Variants in ISLR2 observed in about 807,000 individuals in gnomAD.
ISLR2 encodes immunoglobulin superfamily containing leucine-rich repeat protein 2.
A neutral mutation model predicts 25.5 loss-of-function variants in ISLR2; 16 were observed. That is an observed-to-expected ratio of 0.63 (90% confidence interval 0.43 to 0.95). ISLR2 has a LOEUF of 0.95. ISLR2 is among the 40% of genes least tolerant of loss of function. The pLI is 0.00. For synonymous variants in ISLR2, 508 were observed against 486.6 expected (o/e 1.04, Z -0.58); for missense variants, 883 against 1,030.7 (o/e 0.86, Z 1.96).
chr15:74,132,276 G>C lies in ISLR2; in HGVS notation c.-8-471G>C, dbSNP rs2072438432. On this transcript the variant is annotated intron_variant, in intron 2 of 2. Transcript: ENST00000453268. The surrounding 1 kb of genome is among the most constrained non-coding windows in gnomAD (Gnocchi z 4.3). ...TGATTATGAAGCCCCGCGTCTGTTT[G>C]TATTGTTGTGTGCCTGCATGGGCGT... 6.6e-6 allele frequency among the ~76,000 whole-genome samples: 1 copy of C among 152,238 alleles called. No individual in the cohort carries two copies.
intron 2 of ISLR2, among the ~76,000 whole-genome samples, chr15:74,104,653 C>T (rs1365451530): frequency 2.0e-5 from 3 of 151,424 alleles, no homozygotes; most frequent in East Asian, 1.9e-4. Context: ...TGTGGTGCTG[C>T]GCTCTGATAG....
upstream of ISLR2, among the ~76,000 whole-genome samples, chr15:74,124,461 T>A (rs2072276359): frequency 6.6e-6 from 1 of 152,136 alleles, no homozygotes; most frequent in Non-Finnish European, 1.5e-5. Context: ...ACTAGTCTGT[T>A]AACATTACGT....
intron 1 of ISLR2, among the ~76,000 whole-genome samples, chr15:74,102,132 C>T (rs1408797669): frequency 7.4e-6 from 1 of 135,200 alleles, no homozygotes; most frequent in African/African-American, 2.8e-5. Flanking sequence ...TCACAAGAAT[C>T]GCTTGAACCC....
At chr15:74,140,554 G>T (rs1291440715), downstream of ISLR2, among the ~76,000 whole-genome samples, 1 of 152,200 alleles carries the variant, frequency 6.6e-6, no homozygotes, top group Non-Finnish European at 1.5e-5. Context: ...ACAGAGCAAG[G>T]GAAACTGGGG....
At position 74,132,456 on chromosome 15, in the gene ISLR2, C is replaced by T. The variant is rs1002742691; in HGVS notation, c.-8-291C>T. Among the ~76,000 whole-genome samples, 3 of 152,088 alleles carry T rather than the reference C, an allele frequency of 2.0e-5. No individual in the cohort carries two copies. The highest frequency in any genetic ancestry group is 4.8e-5 in the African/African-American group (2 of 41,422). On this transcript the variant is annotated intron_variant, in intron 2 of 2. Transcript: ENST00000453268. The surrounding 1 kb of genome is among the most constrained non-coding windows in gnomAD (Gnocchi z 4.3). ...GAGGAGCCCGCTGGAGATGGGCGAG[C>T]TGCGGAGCCCACGGAGGGGCCAGCT...
At chr15:74,128,147 C>T (rs2072324460), upstream of ISLR2, 2 of 298,690 alleles carry the variant, frequency 6.7e-6, no homozygotes, top group South Asian at 5.6e-5. Flanking sequence ...TTCTGCGCGC[C>T]GGACGGCGCC....
chr15:74,106,580 C>A (rs1331231844), intron 2 of ISLR2, among the ~76,000 whole-genome samples: 1 of 152,094 alleles, frequency 6.6e-6, no homozygotes, highest in African/African-American at 2.4e-5. Flanking sequence ...GGGTCTCCAC[C>A]CATGCTAGGC....
chr15:74,116,209 G>T (rs1484002677), intron 2 of ISLR2, among the ~76,000 whole-genome samples: 1 of 151,866 alleles, frequency 6.6e-6, no homozygotes, highest in Non-Finnish European at 1.5e-5. Context: ...ATAAAACAAA[G>T]AAGAATTACT....
chr15:74,112,588 T>G (rs1595937511), intron 2 of ISLR2, among the ~76,000 whole-genome samples: 1 of 150,988 alleles, frequency 6.6e-6, no homozygotes, highest in South Asian at 2.1e-4. Flanking sequence ...CATGCAATGG[T>G]GCCATCTCAG....
At chr15:74,121,521 G>A (rs777928183) in intron 2 of ISLR2, among the ~76,000 whole-genome samples, 5 of 152,132 alleles carry the variant, frequency 3.3e-5, no homozygotes, top group Non-Finnish European at 5.9e-5. Flanking sequence ...CAGGCTTGAG[G>A]AGTGAGAATG....
chr15:74,102,488 T>C (rs2072087812), intron 1 of ISLR2, among the ~76,000 whole-genome samples: 1 of 146,760 alleles, frequency 6.8e-6, no homozygotes, highest in African/African-American at 2.6e-5. Flanking sequence ...TGTTTTACTA[T>C]TAAAGATTGA....
upstream of ISLR2, chr15:74,126,201 G>T (rs1348398383): frequency 6.6e-6 from 1 of 152,010 alleles, no homozygotes; most frequent in African/African-American, 2.4e-5. Context: ...TATCAAACTT[G>T]TGTCCCACTC....
intron 2 of ISLR2, among the ~76,000 whole-genome samples, chr15:74,122,945 T>C (rs2072264392): frequency 6.6e-6 from 1 of 152,100 alleles, no homozygotes; most frequent in Non-Finnish European, 1.5e-5. Flanking sequence ...GTGTTTATTG[T>C]GGCCTTTCTG....
chr15:74,139,334 C>T (rs979959677), downstream of ISLR2, among the ~76,000 whole-genome samples: 3 of 152,226 alleles, frequency 2.0e-5, no homozygotes, highest in African/African-American at 7.2e-5. Context: ...ACAGAATGGT[C>T]CCCAGCCTCT....
upstream of ISLR2, among the ~76,000 whole-genome samples, chr15:74,123,800 T>C (rs1447159837): frequency 1.3e-5 from 2 of 152,104 alleles, no homozygotes; most frequent in Non-Finnish European, 2.9e-5. Flanking sequence ...CAAAATAGCT[T>C]TGGATCCCAG....
rs571972421 is a variant in ISLR2 at position 74,106,658 on chromosome 15, T to G, written n.228+2744T>G. 5.9e-5 allele frequency among the ~76,000 whole-genome samples: 9 copies of G among 152,182 alleles called. No individual in the cohort carries two copies. The South Asian group carries it at 1.9e-3, about 32-fold the overall frequency. ...CCACACAAGAGCCCCATGGTGACCA[T>G]GAATGGGGTTCTGAGAGGTTAAATG... On this transcript the variant is annotated intron_variant and non_coding_transcript_variant, in intron 2 of 3. Transcript: ENST00000561975.
downstream of ISLR2, among the ~76,000 whole-genome samples, chr15:74,137,996 C>T (rs1375334656): frequency 6.6e-6 from 1 of 151,736 alleles, no homozygotes; most frequent in Non-Finnish European, 1.5e-5. Context: ...TCTGCTAGTT[C>T]CATAAAAACA....
intron 2 of ISLR2, among the ~76,000 whole-genome samples, chr15:74,122,556 C>T (rs1281619290): frequency 1.3e-5 from 2 of 152,354 alleles, no homozygotes; most frequent in Admixed American, 6.5e-5. Context: ...CTTTGCTTAG[C>T]TTCTTCCTCT....
rs370327397 is a variant in ISLR2 at position 74,132,963 on chromosome 15, C to G, written c.209C>G (p.Ala70Gly). ...AAGATCACTGTGCTGCGGCGCGGGG[C>G]CTTCGCCGACGTCACACAGGTCACG... is the stretch of plus-strand genomic sequence containing the variant. ...ANKITVLRRG[A>G]FADVTQVTSL... The change falls in exon 3 of 3, where the codon GCC (alanine) becomes GGC (glycine). Residue 70 changes from alanine (A) to glycine (G), a missense_variant. Transcript: ENST00000453268. This position sits in a 1 kb window ranked among gnomAD's most constrained non-coding sequence, Gnocchi z 4.3. 6.2e-7 allele frequency: 1 copy of G among 1,614,026 alleles called. No individual in the cohort carries two copies. Among genetic ancestry groups the G allele is most frequent in the Admixed American group, 1.7e-5 (1 of 60,036 alleles).
Sources: gnomAD v4.1 joint callset for allele counts (sites outside exome capture counted in the v4.1 genomes callset) on GRCh38, gnomAD v4.1.1 for gene constraint, Gnocchi (gnomAD v3.1) non-coding constraint, MANE v1.5 for transcripts, NCBI Gene and HGNC (gene_info 2026-07-23, HGNC 2026-07-21) for gene names.